The following MPC1 variants were observed in gnomAD, a reference collection of about 807,000 sequenced individuals.
MPC1 encodes HSPC040 protein.
Under a neutral mutation model 13.9 loss-of-function variants are expected in MPC1, and 6 were observed. The ratio of observed to expected loss-of-function variants is 0.43; its 90% CI spans 0.24 to 0.85. The LOEUF (loss-of-function observed/expected upper bound fraction) is 0.85. Among genes scored for constraint, MPC1 ranks in the 40% least tolerant of loss-of-function variants. The probability of loss-of-function intolerance (pLI) is 0.24; values close to 1 mark genes in which losing one functional copy is unlikely to be tolerated. For missense variants in MPC1, 115 were observed against 143.3 expected (o/e 0.80, Z 1.01); for synonymous variants, 47 against 50.5 (o/e 0.93, Z 0.29).
At chr6:166,373,394 A>G (rs1283103934) in intron 1 of MPC1, among the ~76,000 whole-genome samples, 2 of 152,234 alleles carry the variant, frequency 1.3e-5, no homozygotes, top group Non-Finnish European at 2.9e-5. Flanking sequence ...CAGCCTTTTC[A>G]GACTGGCTTC....
chr6:166,377,147 C>CTT lies in MPC1; in HGVS notation c.71+5657_71+5658dup, dbSNP rs34639126. 3.7e-3 allele frequency among the ~76,000 whole-genome samples: 509 copies of CTT among 138,272 alleles called. 7 individuals are homozygous for CTT. Among genetic ancestry groups the CTT allele is most frequent in the East Asian group, 0.012 (56 of 4,868 alleles). The allele number at this position is 138,272 out of a possible 152,430, so 90.7% of individuals were successfully genotyped here. A position where few individuals can be genotyped will look rare whatever the true frequency, so the allele number is the denominator to read the frequency against. ...ATAATTACTATTATTATTATTTATTCTTTTTTTTTTTTTTTGAGACAGTCT... is the reference window on the plus strand; with the variant it reads ...ATAATTACTATTATTATTATTTATTCTTTTTTTTTTTTTTTTTGAGACAGTCT... On this transcript the variant is annotated intron_variant, in intron 1 of 4. Transcript: ENST00000360961.
At chr6:166,367,046 A>G in intron 2 of MPC1, 155 bp from the exon 3 acceptor site, 1 of 1,501,624 alleles carries the variant, frequency 6.7e-7, no homozygotes, top group East Asian at 2.6e-5. Flanking sequence ...TTGATGGTTA[A>G]CATTTAGGTA....
chr6:166,370,780 A>G (rs1352847480), intron 1 of MPC1, among the ~76,000 whole-genome samples: 1 of 152,126 alleles, frequency 6.6e-6, no homozygotes, highest in Non-Finnish European at 1.5e-5. Context: ...GCAGTGAGGT[A>G]TGATCACACC....
intron 3 of MPC1, 67 bp from the exon 4 acceptor site, chr6:166,366,173 G>A: frequency 6.5e-7 from 1 of 1,548,320 alleles, no homozygotes; most frequent in South Asian, 1.2e-5. Context: ...TAGGACCACA[G>A]AGATGAACAG....
chr6:166,381,234 C>G (rs1481342240), intron 1 of MPC1, among the ~76,000 whole-genome samples: 2 of 152,118 alleles, frequency 1.3e-5, no homozygotes, highest in Non-Finnish European at 2.9e-5. Flanking sequence ...TGCTAAACAC[C>G]CATCTTAATT....
In MPC1 at chr6:166,366,728, C is replaced by A. The variant is rs996799965; in HGVS notation, c.172+67G>T. 5.2e-5 allele frequency: 77 copies of A among 1,473,930 alleles called. No individual in the cohort carries two copies. In the Admixed American group the frequency reaches 1.3e-3, roughly 24 times the overall value. 91.3% of individuals were successfully genotyped at this position (1,473,930 alleles called of 1,614,324 possible). On this transcript the variant is annotated intron_variant, in intron 3 of 4. Transcript: ENST00000360961. Reference sequence around the variant, plus strand: ...TGACTGTAACATCTAGTGCTACAATCTTGAAATGCAAGCAGGAGCTCTACT... The same window carrying A: ...TGACTGTAACATCTAGTGCTACAATATTGAAATGCAAGCAGGAGCTCTACT...
chr6:166,372,120 A>T (rs1779402894), intron 1 of MPC1, among the ~76,000 whole-genome samples: 1 of 152,226 alleles, frequency 6.6e-6, no homozygotes, highest in South Asian at 2.1e-4. Flanking sequence ...CAGATGAGAC[A>T]GCATAATCTA....
chr6:166,366,177 T>C, intron 3 of MPC1, 71 bp from the exon 4 acceptor site: 3 of 1,536,348 alleles, frequency 2.0e-6, no homozygotes, highest in Non-Finnish European at 2.6e-6. Context: ...ACCACAGAGA[T>C]GAACAGTTCC....
chr6:166,376,338 G>C (rs1023422883), intron 1 of MPC1, among the ~76,000 whole-genome samples: 6 of 152,146 alleles, frequency 3.9e-5, no homozygotes, highest in African/African-American at 1.2e-4. Flanking sequence ...GAGGCTAAAG[G>C]CCCTGAGAAC....
chr6:166,373,411 G>A (rs759497069), intron 1 of MPC1, among the ~76,000 whole-genome samples: 9 of 152,194 alleles, frequency 5.9e-5, no homozygotes, highest in Non-Finnish European at 1.2e-4. Flanking sequence ...CTTCTTTCAT[G>A]CAGTAATATG....
chr6:166,382,668 AC>A, intron 1 of MPC1, 137 bp downstream of exon 1: 1 of 835,110 alleles, frequency 1.2e-6, no homozygotes, highest in Non-Finnish European at 1.7e-6. Context: ...TGACAAGCGC[AC>A]CCTCTCGCCT....
intron 2 of MPC1, among the ~76,000 whole-genome samples, chr6:166,368,288 C>T (rs905153438): frequency 5.9e-5 from 9 of 152,146 alleles, no homozygotes; most frequent in African/African-American, 1.2e-4. Flanking sequence ...TCGGGTGCAG[C>T]GGCTCACGCC....
At position 166,365,508 on chromosome 6, in the gene MPC1, G is replaced by A. The variant is rs530626528; in HGVS notation, c.306-55C>T. The A allele has an allele frequency of 5.6e-5, 82 of 1,453,052 alleles. No homozygotes were observed. The African/African-American group carries it at 6.3e-4, about 11-fold the overall frequency. 90.0% of individuals were successfully genotyped at this position (1,453,052 alleles called of 1,614,324 possible). On this transcript the variant is annotated intron_variant, in intron 4 of 4. Coordinates refer to ENST00000360961, the MANE Select transcript of MPC1 (RefSeq NM_016098.4). The surrounding 1 kb of genome is among the most constrained non-coding windows in gnomAD (Gnocchi z 4.2). ...GAGAAACAAAATTTCAATGCCAATC[G>A]CAAGGGCTTTGGATGGCTTTTAAAA...
chr6:166,380,209 A>G (rs1381872195), intron 1 of MPC1, among the ~76,000 whole-genome samples: 1 of 152,270 alleles, frequency 6.6e-6, no homozygotes, highest in East Asian at 1.9e-4. Context: ...AATAAAATGT[A>G]GAGTGATTTG....
chr6:166,368,501 C>G (rs528015037), intron 2 of MPC1, among the ~76,000 whole-genome samples: 1 of 148,254 alleles, frequency 6.7e-6, no homozygotes, highest in East Asian at 2.0e-4. Flanking sequence ...TTGCAGTGAG[C>G]CAAGATTGCA....
At chr6:166,368,611 A>C in intron 2 of MPC1, 2 of 196,334 alleles carry the variant, frequency 1.0e-5, no homozygotes, top group Non-Finnish European at 1.8e-5. Flanking sequence ...ACACTCCTGC[A>C]GAATTCTATT....
intron 1 of MPC1, among the ~76,000 whole-genome samples, chr6:166,379,850 C>G (rs1209108842): frequency 6.6e-6 from 1 of 152,280 alleles, no homozygotes; most frequent in African/African-American, 2.4e-5. Context: ...GGGCTGTAAG[C>G]GTAAAGCTTG....
chr6:166,367,137 A>C (rs1779190621), intron 2 of MPC1: 6 of 1,324,460 alleles, frequency 4.5e-6, no homozygotes, highest in Non-Finnish European at 5.8e-6. Context: ...GCAGCTTCCC[A>C]AGGTCCCTAC....
chr6:166,382,761 G>A (rs1440647577), intron 1 of MPC1, 45 bp downstream of exon 1: 3 of 1,537,136 alleles, frequency 2.0e-6, no homozygotes, highest in Non-Finnish European at 2.6e-6. Context: ...GCAGCCTCCC[G>A]GGAGCCCCTC....
Sources: gnomAD v4.1 joint callset for allele counts (sites outside exome capture counted in the v4.1 genomes callset) on GRCh38, gnomAD v4.1.1 for gene constraint, Gnocchi (gnomAD v3.1) non-coding constraint, MANE v1.5 for transcripts, NCBI Gene and HGNC (gene_info 2026-07-23, HGNC 2026-07-21) for gene names.